Variants in MYRIP observed in about 807,000 individuals in gnomAD.
MYRIP encodes the protein rab effector MyRIP.
A neutral mutation model predicts 98.0 loss-of-function variants in MYRIP; 49 were observed. The observed-to-expected ratio is 0.50, with a 90% CI of 0.40 to 0.63. The LOEUF is 0.63. Among genes scored for constraint, MYRIP ranks in the 30% least tolerant of loss-of-function variants. The pLI is 0.00. For missense variants in MYRIP, 1,004 were observed against 1,058.2 expected (o/e 0.95, Z 0.71); for synonymous variants, 404 against 409.5 (o/e 0.99, Z 0.16).
intron 1 of MYRIP, among the ~76,000 whole-genome samples, chr3:39,889,555 G>T (rs1292069298): frequency 6.6e-6 from 1 of 152,182 alleles, no homozygotes; most frequent in Non-Finnish European, 1.5e-5. Flanking sequence ...AGGAGGGATA[G>T]CATTGGGAGA....
chr3:40,158,757 T>C (rs905859977), intron 4 of MYRIP, among the ~76,000 whole-genome samples: 4 of 149,960 alleles, frequency 2.7e-5, no homozygotes, highest in Non-Finnish European at 5.9e-5. Flanking sequence ...GTAATGGCCT[T>C]CTTTGTCTCT....
chr3:40,126,020 T>TGCTGTCAGG (rs2125914606), intron 3 of MYRIP, among the ~76,000 whole-genome samples: 1 of 152,230 alleles, frequency 6.6e-6, no homozygotes, highest in East Asian at 1.9e-4. Flanking sequence ...AGGGCCTTCA[T>TGCTGTCAGG]GCTGTCAGGG....
intron 3 of MYRIP, among the ~76,000 whole-genome samples, chr3:40,119,197 C>T (rs1004302986): frequency 3.3e-5 from 5 of 152,052 alleles, no homozygotes; most frequent in Non-Finnish European, 5.9e-5. Flanking sequence ...GTCCCACCAA[C>T]AGTGTAAAAG....
At chr3:40,157,931 C>G (rs916076436) in intron 4 of MYRIP, among the ~76,000 whole-genome samples, 24 of 152,162 alleles carry the variant, frequency 1.6e-4, no homozygotes, top group African/African-American at 5.8e-4. Flanking sequence ...TTTTGTTGAT[C>G]CTTTCAAAAA....
chr3:40,107,553 G>A (rs1359271354), intron 3 of MYRIP, among the ~76,000 whole-genome samples: 1 of 152,178 alleles, frequency 6.6e-6, no homozygotes, highest in African/African-American at 2.4e-5. Context: ...TGAATCAGAT[G>A]AGGAGTAGGA....
intron 11 of MYRIP, among the ~76,000 whole-genome samples, chr3:40,218,640 A>T (rs1170625743): frequency 0.012 from 1,619 of 138,322 alleles, 126 homozygotes; most frequent in African/African-American, 0.041. Flanking sequence ...ATATATATAT[A>T]TATATATATA....
At chr3:39,929,172 A>G (rs1944487297) in intron 2 of MYRIP, among the ~76,000 whole-genome samples, 2 of 152,082 alleles carry the variant, frequency 1.3e-5, no homozygotes, top group Non-Finnish European at 2.9e-5. Flanking sequence ...ACTCAAAAAC[A>G]AATGAAATAT....
chr3:40,118,266 A>G (rs994254098), intron 3 of MYRIP, among the ~76,000 whole-genome samples: 3 of 152,252 alleles, frequency 2.0e-5, no homozygotes, highest in African/African-American at 7.2e-5. Flanking sequence ...ATAAATTGCG[A>G]TAACTCAAAT....
intron 10 of MYRIP, among the ~76,000 whole-genome samples, chr3:40,201,827 A>C (rs1951569697): frequency 6.6e-6 from 1 of 152,200 alleles, no homozygotes; most frequent in Non-Finnish European, 1.5e-5. Context: ...TATTCACAGC[A>C]TGTGAATAAA....
intron 3 of MYRIP, among the ~76,000 whole-genome samples, chr3:40,127,259 A>G (rs1949542613): frequency 6.6e-6 from 1 of 152,208 alleles, no homozygotes; most frequent in Admixed American, 6.5e-5. Context: ...TGTTAGATCA[A>G]TGATGCCTCA....
chr3:40,201,885 C>T (rs1289388071), intron 10 of MYRIP, among the ~76,000 whole-genome samples: 2 of 152,154 alleles, frequency 1.3e-5, no homozygotes, highest in Non-Finnish European at 2.9e-5. Context: ...AAAACTTCTA[C>T]CTTTAGACAC....
intron 10 of MYRIP, among the ~76,000 whole-genome samples, chr3:40,207,918 GTCA>G (rs766056467): frequency 1.2e-4 from 18 of 152,088 alleles, no homozygotes; most frequent in Non-Finnish European, 2.5e-4. Flanking sequence ...CATCTTTTGA[GTCA>G]TCTAGTGATT....
chr3:39,991,093 A>C (rs1209867016), intron 2 of MYRIP, among the ~76,000 whole-genome samples: 1 of 152,210 alleles, frequency 6.6e-6, no homozygotes. Context: ...GCACATGTAT[A>C]CCTATGTAAC....
At chr3:39,941,530 C>CT (rs549697171) in intron 2 of MYRIP, among the ~76,000 whole-genome samples, 36 of 150,914 alleles carry the variant, frequency 2.4e-4, no homozygotes, top group South Asian at 6.3e-4. Context: ...CACACACACA[C>CT]TTTTTTTTAC....
chr3:39,980,737 A>G (rs760367379), intron 2 of MYRIP, among the ~76,000 whole-genome samples: 2 of 152,144 alleles, frequency 1.3e-5, no homozygotes, highest in Admixed American at 1.3e-4. Context: ...AGCAATGCAT[A>G]TTTTGGACAT....
Position 40,234,008 on chromosome 3 carries a change from A to T in MYRIP, c.2055A>T (p.Thr685=), listed in dbSNP as rs751679040. 1 of 1,610,172 alleles carries T rather than the reference A, an allele frequency of 6.2e-7. No homozygotes were observed. Among genetic ancestry groups the T allele is most frequent in the Admixed American group, 1.7e-5 (1 of 58,828 alleles). ...AGAAGGGGATGTTTCCTCGTGGGAC[A>T]GACCAAGTGAGACTGGATGAGCAGC... The part of the protein sequence containing the change: ...DRQKGMFPRG[T]DQVRLDEQLT... Residue 685 remains threonine, a synonymous_variant, in exon 12 of 17, where the codon ACA becomes ACT. Coordinates refer to ENST00000302541, the MANE Select transcript of MYRIP (RefSeq NM_015460.4).
chr3:40,133,612 C>G lies in MYRIP; in HGVS notation c.333-17436C>G, dbSNP rs565500014. Among the ~76,000 whole-genome samples, 44 of 152,290 alleles carry G rather than the reference C, an allele frequency of 2.9e-4. 2 individuals are homozygous for G. In the East Asian group the frequency reaches 7.7e-3, roughly 27 times the overall value. ...AGAGGCTGGGCACAGTGGCTGATGC[C>G]TGTAATCCCTAGTACTCAGGAGGCT... On this transcript the variant is annotated intron_variant, in intron 3 of 16. Transcript: ENST00000302541.
intron 2 of MYRIP, among the ~76,000 whole-genome samples, chr3:39,927,946 C>T (rs1333802250): frequency 2.0e-5 from 3 of 151,982 alleles, no homozygotes; most frequent in Non-Finnish European, 4.4e-5. Flanking sequence ...ATATGATCAT[C>T]TCAATAGACG....
chr3:40,186,228 GGAC>G (rs1356988949), intron 9 of MYRIP, among the ~76,000 whole-genome samples: 2 of 152,098 alleles, frequency 1.3e-5, no homozygotes, highest in African/African-American at 4.8e-5. Flanking sequence ...AAGGCCCAGA[GGAC>G]TTTTCCTTTC....
Sources: gnomAD v4.1 joint callset for allele counts (sites outside exome capture counted in the v4.1 genomes callset) on GRCh38, gnomAD v4.1.1 for gene constraint, MANE v1.5 for transcripts, NCBI Gene and HGNC (gene_info 2026-07-23, HGNC 2026-07-21) for gene names.